COL25A1: variants seen among roughly 807,000 people sequenced by gnomAD.
The protein encoded by COL25A1 is collagen alpha-1(XXV) chain.
A neutral mutation model predicts 128.4 loss-of-function variants in COL25A1; 103 were observed. That is an observed-to-expected ratio of 0.80 (90% CI 0.68 to 0.94). COL25A1 has a LOEUF of 0.94. Ranked by LOEUF, COL25A1 falls within the 40% of genes least tolerant of loss-of-function variation. The probability of loss-of-function intolerance (pLI) is 0.00; values close to 1 mark genes in which losing one functional copy is unlikely to be tolerated. For synonymous variants in COL25A1, 279 were observed against 277.2 expected (o/e 1.01, Z -0.06); for missense variants, 745 against 840.0 (o/e 0.89, Z 1.40).
At chr4:108,922,147 TC>T (rs1274071251) in intron 11 of COL25A1, among the ~76,000 whole-genome samples, 10 of 152,188 alleles carry the variant, frequency 6.6e-5, no homozygotes, top group Non-Finnish European at 1.0e-4. Flanking sequence ...CACTAGTTCT[TC>T]CCCTTAGCAT....
intron 19 of COL25A1, among the ~76,000 whole-genome samples, chr4:108,882,631 T>C (rs1461093355): frequency 2.0e-5 from 3 of 152,202 alleles, no homozygotes; most frequent in African/African-American, 7.2e-5. Context: ...CTCTATAATA[T>C]GAAACCACCT....
At chr4:109,023,096 A>G (rs544567530) in intron 5 of COL25A1, among the ~76,000 whole-genome samples, 88 of 152,352 alleles carry the variant, frequency 5.8e-4, no homozygotes, top group African/African-American at 2.1e-3. Context: ...GGCAAAAACA[A>G]CATTCCATTC....
Position 108,990,272 on chromosome 4 carries a change from A to ATCTCTCTCTCTCTC in COL25A1, c.439-15714_439-15713insGAGAGAGAGAGAGA, listed in dbSNP as rs1553992951. On this transcript the variant is annotated intron_variant, in intron 6 of 37. Transcript: ENST00000399132. ...TATATATATATATATATATATATATATCTCAAAAGAATCGATAAAAATATA... is the reference window on the plus strand; with the variant it reads ...TATATATATATATATATATATATATATCTCTCTCTCTCTCTCTCAAAAGAATCGATAAAAATATA... Among the ~76,000 whole-genome samples the ATCTCTCTCTCTCTC allele has an allele frequency of 3.2e-5, 4 of 123,646 alleles. No homozygotes were observed. The South Asian group carries it at 1.1e-3, about 34-fold the overall frequency. 81.1% of individuals were successfully genotyped at this position (123,646 alleles called of 152,430 possible).
At chr4:109,247,860 A>G (rs1183279072) in intron 3 of COL25A1, among the ~76,000 whole-genome samples, 2 of 152,182 alleles carry the variant, frequency 1.3e-5, no homozygotes, top group East Asian at 3.9e-4. Flanking sequence ...CAAGTAAAAC[A>G]TCAAAGGATG....
chr4:109,259,772 C>G (rs1030064750), intron 3 of COL25A1, among the ~76,000 whole-genome samples: 7 of 152,194 alleles, frequency 4.6e-5, no homozygotes, highest in African/African-American at 1.7e-4. Context: ...TGTGTGCAGG[C>G]AGATAGCTAC....
intron 3 of COL25A1, among the ~76,000 whole-genome samples, chr4:109,065,539 CGCGCGCGT>C (rs1039060580): frequency 6.0e-5 from 8 of 133,596 alleles, no homozygotes; most frequent in African/African-American, 2.3e-4. Context: ...AGCACGCGCG[CGCGCGCGT>C]GTGTGTGTGT....
At chr4:109,190,002 G>A (rs966628741) in intron 3 of COL25A1, among the ~76,000 whole-genome samples, 13 of 151,940 alleles carry the variant, frequency 8.6e-5, no homozygotes, top group Admixed American at 2.0e-4. Context: ...TAACAAAGCC[G>A]AGATAGAAAT....
intron 6 of COL25A1, among the ~76,000 whole-genome samples, chr4:109,009,993 G>A (rs761932144): frequency 2.0e-5 from 3 of 152,186 alleles, no homozygotes; most frequent in Non-Finnish European, 2.9e-5. Context: ...ATCAGAGTCT[G>A]CAGGGATTCA....
intron 5 of COL25A1, among the ~76,000 whole-genome samples, chr4:109,011,422 G>A (rs961578571): frequency 3.8e-5 from 4 of 106,202 alleles, no homozygotes; most frequent in African/African-American, 6.2e-5. Flanking sequence ...TGAAAATGTA[G>A]TTGGCAGGTC....
chr4:109,143,026 T>C (rs890331608), intron 3 of COL25A1, among the ~76,000 whole-genome samples: 1 of 152,252 alleles, frequency 6.6e-6, no homozygotes, highest in Non-Finnish European at 1.5e-5. Flanking sequence ...CAATTTGGCA[T>C]GTTTTTGCAG....
intron 6 of COL25A1, among the ~76,000 whole-genome samples, chr4:108,981,753 T>A (rs1451215357): frequency 6.6e-6 from 1 of 152,192 alleles, no homozygotes; most frequent in East Asian, 1.9e-4. Context: ...ATGCCCACTG[T>A]TTGGCTAAAA....
intron 26 of COL25A1, among the ~76,000 whole-genome samples, chr4:108,850,468 G>A (rs1735634601): frequency 6.6e-6 from 1 of 151,796 alleles, no homozygotes; most frequent in Admixed American, 6.6e-5. Flanking sequence ...CCATTGTGGG[G>A]TGGGTGGGGT....
At chr4:108,997,611 C>G (rs1754908417) in intron 6 of COL25A1, among the ~76,000 whole-genome samples, 1 of 152,220 alleles carries the variant, frequency 6.6e-6, no homozygotes, top group Non-Finnish European at 1.5e-5. Context: ...GGAATCCTCC[C>G]TAACTCATTT....
At chr4:108,845,092 T>C (rs1483180805) in intron 29 of COL25A1, 97 bp downstream of exon 29, 58 of 1,016,032 alleles carry the variant, frequency 5.7e-5, no homozygotes, top group Admixed American at 2.7e-4. Context: ...GTCTGTCTAC[T>C]GTTGTGCAGC....
chr4:108,912,698 A>C (rs902002685), intron 13 of COL25A1, among the ~76,000 whole-genome samples: 1 of 152,196 alleles, frequency 6.6e-6, no homozygotes, highest in Non-Finnish European at 1.5e-5. Flanking sequence ...ATGGGGGATA[A>C]AAAATATTGG....
rs61340199 is a variant in COL25A1, at chr4:109,051,620, TACAC to T, written c.368-1445_368-1442del. ...ATACATCTGTTCAAACACACATACA[TACAC>T]ACACACACACACACACACACACACA... is the stretch of plus-strand genomic sequence containing the variant. On this transcript the variant is annotated intron_variant, in intron 3 of 37. Coordinates refer to ENST00000399132, the MANE Select transcript of COL25A1 (RefSeq NM_198721.4). Among the ~76,000 whole-genome samples the T allele has an allele frequency of 4.0e-3, 591 of 148,178 alleles. 2 individuals are homozygous for T. Among genetic ancestry groups the T allele is most frequent in the Non-Finnish European group, 5.5e-3 (369 of 66,614 alleles).
intron 3 of COL25A1, among the ~76,000 whole-genome samples, chr4:109,274,935 C>T (rs1003621772): frequency 5.3e-5 from 8 of 152,092 alleles, no homozygotes; most frequent in African/African-American, 1.7e-4. Flanking sequence ...TATATTACTG[C>T]AAATAATTGA....
intron 13 of COL25A1, among the ~76,000 whole-genome samples, chr4:108,915,920 T>A (rs1744823326): frequency 6.6e-6 from 1 of 152,150 alleles, no homozygotes; most frequent in Non-Finnish European, 1.5e-5. Flanking sequence ...AGTTCAAGAT[T>A]CCAGAAAAAC....
At chr4:109,126,728 T>C (rs1169217796) in intron 3 of COL25A1, among the ~76,000 whole-genome samples, 1 of 152,146 alleles carries the variant, frequency 6.6e-6, no homozygotes, top group African/African-American at 2.4e-5. Flanking sequence ...ACTTCCCTTT[T>C]ACATTCTTAT....
Sources: gnomAD v4.1 joint callset for allele counts (sites outside exome capture counted in the v4.1 genomes callset) on GRCh38, gnomAD v4.1.1 for gene constraint, MANE v1.5 for transcripts, NCBI Gene and HGNC (gene_info 2026-07-23, HGNC 2026-07-21) for gene names.